The following NLRC5 variants were observed in gnomAD, a reference collection of about 807,000 sequenced individuals.
NLRC5 encodes protein NLRC5.
Under a neutral mutation model 206.9 loss-of-function variants are expected in NLRC5, and 114 were observed. The observed-to-expected ratio is 0.55, with a 90% CI of 0.47 to 0.64. The LOEUF (loss-of-function observed/expected upper bound fraction) is 0.64. Ranked by LOEUF, NLRC5 falls within the 30% of genes least tolerant of loss-of-function variation. The pLI, the probability that NLRC5 is intolerant of heterozygous loss-of-function variation, is 0.00. For missense variants in NLRC5, 2,008 were observed against 2,305.5 expected (o/e 0.87, Z 2.64); for synonymous variants, 952 against 962.8 (o/e 0.99, Z 0.21).
intron 1 of NLRC5, among the ~76,000 whole-genome samples, chr16:57,002,268 C>T (rs368590994): frequency 6.6e-6 from 1 of 152,324 alleles, no homozygotes; most frequent in African/African-American, 2.4e-5. Flanking sequence ...CTGCCTCAGC[C>T]TCCCAAGTAG....
chr16:57,035,595 A>G (rs73546834), intron 13 of NLRC5, among the ~76,000 whole-genome samples: 15,473 of 152,032 alleles, frequency 0.1, 1,074 homozygotes, highest in African/African-American at 0.2. Flanking sequence ...CTCTCCCCCA[A>G]CCTTTTACCT....
chr16:57,018,002 A>G (rs973242578), intron 2 of NLRC5, among the ~76,000 whole-genome samples: 3 of 152,264 alleles, frequency 2.0e-5, no homozygotes, highest in Non-Finnish European at 2.9e-5. Context: ...GTTAGCCTTA[A>G]AGAGATTTGT....
At position 57,059,530 on chromosome 16, in the gene NLRC5, C is replaced by T; in HGVS notation, c.3984C>T (p.Leu1328=). 1 of 1,610,594 alleles carries T rather than the reference C, an allele frequency of 6.2e-7. No homozygotes were observed. Among genetic ancestry groups the T allele is most frequent in the Non-Finnish European group, 8.5e-7 (1 of 1,178,156 alleles). The change falls in exon 30 of 49, where the codon CTC becomes CTT. Residue 1328 remains leucine, a splice_region_variant and synonymous_variant. Transcript: ENST00000688547. ...FSREDQAGKT[L]RLSECSFRPE... is the part of the protein sequence containing the mutation. ...GAGAGGACCAGGCTGGGAAGACACT[C>T]AGGTAATCCCTGCAGGGTGATGGGA... is the stretch of plus-strand genomic sequence containing the variant.
chr16:57,074,750 T>C (rs2068149849), intron 39 of NLRC5, 67 bp downstream of exon 39: 3 of 1,489,038 alleles, frequency 2.0e-6, no homozygotes, highest in African/African-American at 1.4e-5. Context: ...TGGGACCACA[T>C]CCAGGGAAGC....
chr16:57,050,087 A>C (rs753117970), intron 23 of NLRC5, among the ~76,000 whole-genome samples: 3 of 145,718 alleles, frequency 2.1e-5, no homozygotes, highest in Non-Finnish European at 4.5e-5. Flanking sequence ...TGTGGTAAAG[A>C]GTAAAGATTC....
At chr16:57,022,409 G>GTGACCA in intron 4 of NLRC5, 94 bp downstream of exon 4, 4 of 1,077,688 alleles carry the variant, frequency 3.7e-6, no homozygotes, top group Non-Finnish European at 5.6e-6. Context: ...TGTGGTGGCT[G>GTGACCA]GTCACAGCCA....
intron 1 of NLRC5, among the ~76,000 whole-genome samples, chr16:57,002,795 C>T (rs2058438342): frequency 6.6e-6 from 1 of 151,964 alleles, no homozygotes. Context: ...GCATGGGGCG[C>T]CACTACGCCC....
chr16:57,041,183 G>GT (rs768955703), intron 17 of NLRC5: 1 of 413,644 alleles, frequency 2.4e-6, no homozygotes, highest in Non-Finnish European at 4.4e-6. Context: ...TGTTTTATCA[G>GT]TTTATTTAAC....
intron 28 of NLRC5, 97 bp downstream of exon 28, chr16:57,058,245 C>A: frequency 1.0e-6 from 1 of 999,838 alleles, no homozygotes; most frequent in Non-Finnish European, 1.5e-6. Context: ...TCCCCCAGAG[C>A]ACCAGAGGAC....
At chr16:57,038,939 TA>T (rs574142317) in intron 15 of NLRC5, among the ~76,000 whole-genome samples, 16,216 of 108,218 alleles carry the variant, frequency 0.15, 902 homozygotes, top group South Asian at 0.22. Flanking sequence ...TGTCTCAAAT[TA>T]AAAAAAAAAA....
chr16:57,070,752 G>C (rs1159138851), intron 38 of NLRC5, 134 bp downstream of exon 38: 8 of 721,662 alleles, frequency 1.1e-5, no homozygotes, highest in Non-Finnish European at 1.5e-5. Context: ...GGGGAATGGG[G>C]TGAGTGAGTG....
intron 1 of NLRC5, among the ~76,000 whole-genome samples, chr16:56,998,327 A>T (rs2057873304): frequency 6.6e-6 from 1 of 152,026 alleles, no homozygotes; most frequent in Non-Finnish European, 1.5e-5. Context: ...CACTGCTTCC[A>T]GCCCCATGCC....
chr16:57,051,392 CG>C (rs1216708806), intron 23 of NLRC5, 145 bp from the exon 24 acceptor site: 1 of 668,184 alleles, frequency 1.5e-6, no homozygotes, highest in Non-Finnish European at 2.7e-6. Context: ...TCCAGCCTCA[CG>C]GATAACCCAT....
chr16:57,008,690 T>A (rs58337780), intron 1 of NLRC5, among the ~76,000 whole-genome samples: 9,072 of 152,192 alleles, frequency 0.06, 329 homozygotes, highest in East Asian at 0.14. Flanking sequence ...ACATAAGTAT[T>A]GATATACATT....
chr16:57,044,260 G>A (rs1328694235), intron 20 of NLRC5, among the ~76,000 whole-genome samples: 1 of 151,422 alleles, frequency 6.6e-6, no homozygotes, highest in Admixed American at 6.6e-5. Context: ...AGCTGAGATC[G>A]TGCCACTGCA....
chr16:57,010,051 T>C (rs2059330881), intron 1 of NLRC5, among the ~76,000 whole-genome samples: 1 of 152,122 alleles, frequency 6.6e-6, no homozygotes, highest in South Asian at 2.1e-4. Flanking sequence ...AATGAAGCCA[T>C]CTTTGGGCTT....
chr16:57,060,024 G>GTTA (rs3995823), intron 30 of NLRC5, among the ~76,000 whole-genome samples: 4,774 of 144,828 alleles, frequency 0.033, 88 homozygotes, highest in East Asian at 0.052. Flanking sequence ...TATTGTAACT[G>GTTA]TTATTATTAT....
At chr16:57,069,751 A>T (rs2067430152) in intron 36 of NLRC5, 85 bp from the exon 37 acceptor site, 3 of 1,085,300 alleles carry the variant, frequency 2.8e-6, no homozygotes, top group Non-Finnish European at 4.1e-6. Context: ...CCTACCCCAC[A>T]TCCTTGCCCT....
chr16:57,057,467 G>C (rs1386717999), intron 27 of NLRC5, among the ~76,000 whole-genome samples: 2 of 152,212 alleles, frequency 1.3e-5, no homozygotes, highest in African/African-American at 4.8e-5. Flanking sequence ...GCAATGAAGG[G>C]AAGTAAGAAA....
Sources: allele counts gnomAD v4.1 joint callset (sites outside exome capture counted in the v4.1 genomes callset), GRCh38; gene constraint gnomAD v4.1.1; transcripts MANE v1.5; gene names NCBI Gene and HGNC (gene_info 2026-07-23, HGNC 2026-07-21).